TSPAN11: variants seen among roughly 807,000 people sequenced by gnomAD.
TSPAN11 encodes the protein tetraspanin 11.
TSPAN11 carries 29 observed loss-of-function variants against 32.9 expected under a neutral mutation model. That is an observed-to-expected ratio of 0.88 (90% CI 0.66 to 1.20). The LOEUF (loss-of-function observed/expected upper bound fraction) is 1.20, where lower values mean the gene tolerates loss of function less well. TSPAN11 is among the 50% of genes most tolerant of loss of function. The pLI, the probability that TSPAN11 is intolerant of heterozygous loss-of-function variation, is 0.00. For synonymous variants in TSPAN11, 140 were observed against 141.3 expected, an observed-to-expected ratio of 0.99 and a Z score of 0.07; for missense variants, 283 against 329.1, an observed-to-expected ratio of 0.86 and a Z score of 1.08.
the TSPAN11 span, chr12:31,012,740 C>T: frequency 6.6e-6 from 1 of 152,256 alleles, no homozygotes; most frequent in South Asian, 2.1e-4. Flanking sequence ...CCTCCACCAT[C>T]CGAGGAACCC....
chr12:30,958,660 C>G (rs1013585041), intron 2 of TSPAN11, among the ~76,000 whole-genome samples: 1 of 152,140 alleles, frequency 6.6e-6, no homozygotes, highest in African/African-American at 2.4e-5. Flanking sequence ...CCCTGAGCCC[C>G]CATGCTGTGT....
At chr12:30,957,725 TTCCCTCCTTCCCTCCCTCCC>T (rs1938517877) in intron 2 of TSPAN11, among the ~76,000 whole-genome samples, 6 of 35,310 alleles carry the variant, frequency 1.7e-4, no homozygotes, top group African/African-American at 1.0e-3. Context: ...CCTTCCTTCC[TTCCCTCCTTCCCTCCCTCCC>T]TCCCTCCTTC....
chr12:30,978,837 G>C (rs1939028325), intron 4 of TSPAN11: 6 of 572,828 alleles, frequency 1.0e-5, no homozygotes, highest in Non-Finnish European at 1.6e-5. Flanking sequence ...TGTGGATGCT[G>C]ATGTCTTCCA....
At position 30,992,981 on chromosome 12, in the gene TSPAN11, A is replaced by T. The variant is rs35989439; in HGVS notation, c.*1066A>T. 20,271 of 152,208 alleles carry T rather than the reference A, an allele frequency of 0.13. 1,522 individuals are homozygous for T. Among genetic ancestry groups the T allele is most frequent in the Middle Eastern group, 0.15 (44 of 294 alleles). The allele number at this position is 152,208 out of a possible 1,614,324, so 9.4% of individuals were successfully genotyped here. On this transcript the variant is annotated 3_prime_UTR_variant, in exon 8 of 8. Transcript: ENST00000546076. ...GCTTTTTCCTTGGGTTCTCTCTTGC[A>T]TCACTAAGTTCAGCAGGGAATTTGC...
chr12:30,989,080 G>A (rs1238603335), intron 7 of TSPAN11, among the ~76,000 whole-genome samples: 1 of 152,236 alleles, frequency 6.6e-6, no homozygotes, highest in Non-Finnish European at 1.5e-5. Context: ...CAGAGCTGCT[G>A]TGTGCCAGGT....
chr12:30,987,781 T>G (rs1939228651), intron 7 of TSPAN11, among the ~76,000 whole-genome samples: 1 of 150,170 alleles, frequency 6.7e-6, no homozygotes, highest in Non-Finnish European at 1.5e-5. Context: ...GTGAGAGAGG[T>G]CAGGAGATGG....
intron 2 of TSPAN11, among the ~76,000 whole-genome samples, chr12:30,958,701 C>G (rs963588775): frequency 3.3e-5 from 5 of 152,148 alleles, no homozygotes; most frequent in African/African-American, 1.2e-4. Context: ...ATTCACTTCT[C>G]CGTCATAGCA....
Position 30,994,465 on chromosome 12 carries a change from G to T in TSPAN11, c.*2550G>T, listed in dbSNP as rs1028203296. On this transcript the variant is annotated 3_prime_UTR_variant, in exon 8 of 8. Coordinates refer to ENST00000546076, the MANE Select transcript of TSPAN11 (RefSeq NM_001370302.1). ...GATCCCACCCAGCTGGCACGGGCAC[G>T]TTCTTGCCCTGCACACTCCATGCTG... The T allele has an allele frequency of 6.6e-6, 1 of 152,226 alleles. No individual in the cohort carries two copies. The highest frequency in any genetic ancestry group is 1.5e-5 in the Non-Finnish European group (1 of 68,056). The allele number at this position is 152,226 out of a possible 1,614,324, so 9.4% of individuals were successfully genotyped here. A position where few individuals can be genotyped will look rare whatever the true frequency, so the allele number is the denominator to read the frequency against.
intron 1 of TSPAN11, among the ~76,000 whole-genome samples, chr12:30,942,318 A>G (rs2140275964): frequency 6.6e-6 from 1 of 152,292 alleles, no homozygotes; most frequent in South Asian, 2.1e-4. Flanking sequence ...GCCCAGCATC[A>G]TCTCCATCTT....
At chr12:30,945,964 T>A (rs980787241) in intron 1 of TSPAN11, among the ~76,000 whole-genome samples, 5 of 152,142 alleles carry the variant, frequency 3.3e-5, no homozygotes, top group African/African-American at 9.7e-5. Flanking sequence ...ATCCTTGACA[T>A]TTCAACAGGA....
chr12:30,945,951 G>A (rs866265816), intron 1 of TSPAN11, among the ~76,000 whole-genome samples: 132 of 152,318 alleles, frequency 8.7e-4, no homozygotes, highest in African/African-American at 2.4e-3. Flanking sequence ...GGATATCTGG[G>A]AAATCCTTGA....
chr12:30,964,952 G>T (rs1938698559), intron 3 of TSPAN11, among the ~76,000 whole-genome samples: 1 of 152,204 alleles, frequency 6.6e-6, no homozygotes, highest in South Asian at 2.1e-4. Flanking sequence ...CAGGTGTGCT[G>T]AGAGCCAACC....
At chr12:30,933,480 CCCTTCCAGCT>C (rs1190463309) in intron 1 of TSPAN11, among the ~76,000 whole-genome samples, 1 of 152,134 alleles carries the variant, frequency 6.6e-6, no homozygotes, top group Non-Finnish European at 1.5e-5. Flanking sequence ...TTTATGTTCC[CCCTTCCAGCT>C]CCTTCCTCTC....
intron 1 of TSPAN11, among the ~76,000 whole-genome samples, chr12:30,929,193 G>A (rs12305528): frequency 0.11 from 17,366 of 152,048 alleles, 1,056 homozygotes; most frequent in Non-Finnish European, 0.14. Context: ...CTAGAAAACC[G>A]TTGCACCAGA....
intron 1 of TSPAN11, among the ~76,000 whole-genome samples, chr12:30,931,730 A>C (rs1937932522): frequency 6.6e-6 from 1 of 151,780 alleles, no homozygotes; most frequent in Non-Finnish European, 1.5e-5. Flanking sequence ...AAATACAAAA[A>C]TTAGCTGCGT....
At chr12:31,013,590 A>AAAAACAAAACAAAACAAAGC in the TSPAN11 span, among the ~76,000 whole-genome samples, 1 of 147,228 alleles carries the variant, frequency 6.8e-6, no homozygotes, top group South Asian at 2.2e-4. Context: ...TCCTGTCTCA[A>AAAAACAAAACAAAACAAAGC]AAAACAAAAC....
the TSPAN11 span, chr12:31,015,675 T>C: frequency 1.3e-5 from 2 of 152,226 alleles, no homozygotes; most frequent in Admixed American, 1.3e-4. The surrounding 1 kb of genome is among the most constrained non-coding windows in gnomAD (Gnocchi z 4.9). Flanking sequence ...GGCAGATGCC[T>C]CCGTGAATCT....
intron 1 of TSPAN11, among the ~76,000 whole-genome samples, chr12:30,944,900 A>T (rs1188828401): frequency 6.6e-6 from 1 of 152,158 alleles, no homozygotes; most frequent in African/African-American, 2.4e-5. Flanking sequence ...GCTTTTGCTA[A>T]TGGGAGCTTT....
At chr12:30,941,139 T>C (rs569281409) in intron 1 of TSPAN11, among the ~76,000 whole-genome samples, 1 of 152,304 alleles carries the variant, frequency 6.6e-6, no homozygotes, top group Admixed American at 6.5e-5. Context: ...CACCTATACG[T>C]GCATATTTTT....
Sources: allele counts gnomAD v4.1 joint callset (sites outside exome capture counted in the v4.1 genomes callset), GRCh38; gene constraint gnomAD v4.1.1; non-coding constraint Gnocchi (gnomAD v3.1); transcripts MANE v1.5; gene names NCBI Gene and HGNC (gene_info 2026-07-23, HGNC 2026-07-21).